The following RNF135 variants were observed in gnomAD, a reference collection of about 807,000 sequenced individuals.
The protein encoded by RNF135 is ring finger protein 135.
RNF135 carries 46 observed loss-of-function variants against 41.9 expected under a neutral mutation model. The observed-to-expected ratio is 1.10, with a 90% CI of 0.87 to 1.40. RNF135 has a LOEUF of 1.40. Among genes scored for constraint, RNF135 ranks in the 40% most tolerant of loss-of-function variants. The probability of loss-of-function intolerance (pLI) is 0.00; values close to 1 mark genes in which losing one functional copy is unlikely to be tolerated. For missense variants in RNF135, 539 were observed against 549.8 expected, an observed-to-expected ratio of 0.98 and a Z score of 0.20; for synonymous variants, 238 against 223.8, an observed-to-expected ratio of 1.06 and a Z score of -0.57.
At chr17:30,980,826 C>G (rs1436860235) in intron 1 of RNF135, among the ~76,000 whole-genome samples, 2 of 150,252 alleles carry the variant, frequency 1.3e-5, no homozygotes, top group Admixed American at 1.3e-4. Context: ...AGAGGCGCTC[C>G]TCGCTTCCTA....
In RNF135 at chr17:30,984,787, T is replaced by C. The variant is rs562743505; in HGVS notation, c.516+27T>C. 5 of 1,613,224 alleles carry C rather than the reference T, an allele frequency of 3.1e-6. No individual in the cohort carries two copies. In the South Asian group the frequency reaches 5.5e-5, roughly 18 times the overall value. On this transcript the variant is annotated intron_variant, in intron 2 of 4. Coordinates refer to ENST00000328381, the MANE Select transcript of RNF135 (RefSeq NM_032322.4). The stretch of plus-strand genomic sequence containing the variant: ...TAGGCTCCACTGGGAGAGGAAAGGA[T>C]GTGGAAGGGAATAGGGCTAGGGATT...
At chr17:30,966,573 C>A (rs1007735351), upstream of RNF135, among the ~76,000 whole-genome samples, 2 of 151,588 alleles carry the variant, frequency 1.3e-5, no homozygotes, top group South Asian at 4.2e-4. Flanking sequence ...TGGCTCACTG[C>A]AGGCTCTGCC....
At chr17:30,982,052 C>G (rs1907190410) in intron 1 of RNF135, among the ~76,000 whole-genome samples, 1 of 152,192 alleles carries the variant, frequency 6.6e-6, no homozygotes, top group Non-Finnish European at 1.5e-5. Context: ...CTGGCTACCA[C>G]CTATATTGAC....
At chr17:30,982,134 C>A (rs1907194788) in intron 1 of RNF135, among the ~76,000 whole-genome samples, 1 of 152,230 alleles carries the variant, frequency 6.6e-6, no homozygotes, top group African/African-American at 2.4e-5. Context: ...TTCATGGTGG[C>A]ACATTCACCC....
chr17:30,991,648 A>T lies in RNF135; in HGVS notation c.679+3542A>T, dbSNP rs967789503. ...AGGCTGGTCTCAGACTCCTGACCTC[A>T]GGTGATCTGCTTGCCTCGGTCTCCC... On this transcript the variant is annotated intron_variant, in intron 3 of 4. Transcript: ENST00000328381. Among the ~76,000 whole-genome samples, 9 of 152,026 alleles carry T rather than the reference A, an allele frequency of 5.9e-5. No homozygotes were observed. In the East Asian group the frequency reaches 1.8e-3, roughly 30 times the overall value.
intron 1 of RNF135, among the ~76,000 whole-genome samples, chr17:30,974,006 C>G (rs891737537): frequency 6.6e-6 from 1 of 151,946 alleles, no homozygotes; most frequent in Non-Finnish European, 1.5e-5. Flanking sequence ...TTTGGGAGGC[C>G]AAAGTTTCAT....
chr17:30,970,973 A>T, upstream of RNF135: 1 of 1,488,982 alleles, frequency 6.7e-7, no homozygotes, highest in Non-Finnish European at 9.0e-7. Flanking sequence ...AAGGCGGCCG[A>T]GAAAAGGAGG....
At chr17:30,985,593 C>T (rs775709273) in intron 2 of RNF135, among the ~76,000 whole-genome samples, 1 of 152,162 alleles carries the variant, frequency 6.6e-6, no homozygotes, top group Non-Finnish European at 1.5e-5. Context: ...GAGACTTGCT[C>T]TAATCCAAGC....
chr17:30,986,430 T>C (rs372956080), intron 2 of RNF135, among the ~76,000 whole-genome samples: 6 of 152,226 alleles, frequency 3.9e-5, no homozygotes, highest in African/African-American at 1.4e-4. Context: ...CTCCTGACCT[T>C]GTGATCCACC....
At chr17:30,983,512 C>G (rs879558350) in intron 1 of RNF135, among the ~76,000 whole-genome samples, 8 of 150,890 alleles carry the variant, frequency 5.3e-5, no homozygotes, top group Non-Finnish European at 7.4e-5. Context: ...TGCAACCACA[C>G]CTGGTGAATT....
At chr17:30,992,869 A>G (rs774176468) in intron 3 of RNF135, among the ~76,000 whole-genome samples, 110 of 151,950 alleles carry the variant, frequency 7.2e-4, no homozygotes, top group Middle Eastern at 6.8e-3. Context: ...TTTAAGTTTT[A>G]GTTAGAAAAC....
chr17:30,991,934 A>ATTT (rs369208967), intron 3 of RNF135, among the ~76,000 whole-genome samples: 1 of 140,130 alleles, frequency 7.1e-6, no homozygotes, highest in Non-Finnish European at 1.6e-5. Context: ...AATTTATGTA[A>ATTT]TTTTTTTTTT....
Position 30,971,171 on chromosome 17 carries a change from C to T in RNF135, c.98C>T (p.Thr33Met), listed in dbSNP as rs1567734699. Residue 33 changes from threonine to methionine, a missense_variant, in exon 1 of 5, where the codon ACG becomes ATG. Physicochemically the swap from Thr to Met is moderately conservative, Grantham distance 81 (BLOSUM62 -1). Coordinates refer to ENST00000328381, the MANE Select transcript of RNF135 (RefSeq NM_032322.4). ...ICQGLLDWPA[T>M]LPCGHSFCRH... ...CAGGGGCTGCTGGACTGGCCCGCCA[C>T]GCTGCCCTGCGGCCACAGCTTCTGC... is the stretch of plus-strand genomic sequence containing the variant. The T allele has an allele frequency of 6.5e-7, 1 of 1,530,162 alleles. No homozygotes were observed. The highest frequency in any genetic ancestry group is 2.0e-5 in the Admixed American group (1 of 50,758). The allele number at this position is 1,530,162 out of a possible 1,614,324, so 94.8% of individuals were successfully genotyped here. A position where few individuals can be genotyped will look rare whatever the true frequency, so the allele number is the denominator to read the frequency against.
upstream of RNF135, chr17:30,970,713 T>G: frequency 6.7e-6 from 2 of 299,600 alleles, no homozygotes; most frequent in Non-Finnish European, 1.3e-5. Flanking sequence ...TCTTTTTTGT[T>G]GTTTATTTTT....
At chr17:30,966,998 G>A (rs1905577162), upstream of RNF135, among the ~76,000 whole-genome samples, 1 of 151,978 alleles carries the variant, frequency 6.6e-6, no homozygotes. Flanking sequence ...AGAATTTATT[G>A]CAAAAGTTTG....
At chr17:30,989,984 C>CAAAAAAAAAAAAAAAAAAAAAAAAAAAA (rs10627734) in intron 3 of RNF135, among the ~76,000 whole-genome samples, 1 of 55,308 alleles carries the variant, frequency 1.8e-5, no homozygotes, top group Non-Finnish European at 4.3e-5. Context: ...AACTCTGTCT[C>CAAAAAAAAAAAAAAAAAAAAAAAAAAAA]AAAAAAAAAA....
At chr17:30,970,938 G>T, upstream of RNF135, 1 of 1,223,020 alleles carries the variant, frequency 8.2e-7, no homozygotes, top group South Asian at 1.4e-5. Context: ...GAAGGAGACG[G>T]GGTGGCGCCA....
chr17:30,993,040 T>TTATTA (rs368307869), intron 3 of RNF135, among the ~76,000 whole-genome samples: 1 of 146,290 alleles, frequency 6.8e-6, no homozygotes, highest in African/African-American at 2.6e-5. Context: ...GTTTTATTTG[T>TTATTA]TTATTATTAT....
intron 1 of RNF135, chr17:30,971,702 C>T (rs1192023878): frequency 6.0e-6 from 8 of 1,323,680 alleles, no homozygotes; most frequent in East Asian, 3.2e-5. Flanking sequence ...TCAACTTCTT[C>T]CCAATCGATC....
Sources: gnomAD v4.1 joint callset for allele counts (sites outside exome capture counted in the v4.1 genomes callset) on GRCh38, gnomAD v4.1.1 for gene constraint, MANE v1.5 for transcripts, NCBI Gene and HGNC (gene_info 2026-07-23, HGNC 2026-07-21) for gene names.